The following ITPRIP variants were observed in gnomAD, a reference collection of about 807,000 sequenced individuals.
ITPRIP encodes inositol 1,4,5-trisphosphate receptor-interacting protein.
Under a neutral mutation model 35.8 loss-of-function variants are expected in ITPRIP, and 32 were observed. The observed-to-expected ratio is 0.89, with a 90% CI of 0.68 to 1.20. The LOEUF (loss-of-function observed/expected upper bound fraction) is 1.20. ITPRIP is among the 50% of genes most tolerant of loss of function. The pLI, the probability that ITPRIP is intolerant of heterozygous loss-of-function variation, is 0.00. For synonymous variants in ITPRIP, 358 were observed against 324.0 expected (o/e 1.11, Z -1.13); for missense variants, 653 against 735.6 (o/e 0.89, Z 1.30).
Position 104,315,179 on chromosome 10 carries a change from A to G in ITPRIP, c.873T>C (p.Asp291=). ...CCTGCATCGTGTCCAGGTACAGGGA[A>G]TCTGTGGCACACAGCAGGTTCTCCA... ...GDMENLLCAT[D]SLYLDTMQVM... Residue 291 remains aspartate (D), a synonymous_variant, in exon 2 of 2, where the codon GAT becomes GAC. Coordinates refer to ENST00000337478, the MANE Select transcript of ITPRIP (RefSeq NM_001272013.2). The surrounding 1 kb of genome is among the most constrained non-coding windows in gnomAD (Gnocchi z 5.7). 1.9e-6 allele frequency: 3 copies of G among 1,614,148 alleles called. No homozygotes were observed. Among genetic ancestry groups the G allele is most frequent in the Non-Finnish European group, 2.5e-6 (3 of 1,179,994 alleles).
In ITPRIP at chr10:104,315,742, G is replaced by A. The variant is rs114174365; in HGVS notation, c.310C>T (p.Arg104Trp). ...MILFLMIEVW[R>W]QDHQEGPSPE... ...GAGGGCCCCTCCTGGTGGTCCTGCC[G>A]CCACACCTCGATCATCAGGAAGAGG... Residue 104 changes from arginine to tryptophan, a missense_variant, in exon 2 of 2, where the codon CGG (arginine) becomes TGG (tryptophan). Physicochemically the swap from Arg to Trp is moderately radical, Grantham distance 101. Transcript: ENST00000337478. This position sits in a 1 kb window ranked among gnomAD's most constrained non-coding sequence, Gnocchi z 5.7. The A allele has an allele frequency of 4.8e-3, 7,747 of 1,613,804 alleles. 33 individuals carry two copies. Among genetic ancestry groups the A allele is most frequent in the Non-Finnish European group, 6.0e-3 (7,049 of 1,179,986 alleles).
chr10:104,315,925 C>G lies in ITPRIP; in HGVS notation c.127G>C (p.Ala43Pro). 6.2e-7 allele frequency: 1 copy of G among 1,614,022 alleles called. No homozygotes were observed. ...NEEEIIRKMQAHQEKLQLEQL... is the reference protein window; with the variant it reads ...NEEEIIRKMQPHQEKLQLEQL... ...TCCAGCTGCAGCTTCTCCTGGTGCG[C>G]CTGCATCTTGCGGATGATCTCCTCC... is the stretch of plus-strand genomic sequence containing the variant. The change falls in exon 2 of 2, where the codon GCG becomes CCG. Residue 43 changes from alanine to proline, a missense_variant. Coordinates refer to ENST00000337478, the MANE Select transcript of ITPRIP (RefSeq NM_001272013.2). This position sits in a 1 kb window ranked among gnomAD's most constrained non-coding sequence, Gnocchi z 5.7.
intron 1 of ITPRIP, 22 bp from the exon 2 acceptor site, chr10:104,316,086 G>A (rs984000374): frequency 1.2e-5 from 18 of 1,521,036 alleles, no homozygotes; most frequent in African/African-American, 2.8e-5. Flanking sequence ...GAGACAGATG[G>A]TCACACCAAG....
chr10:104,336,485 A>AT (rs1275865545), intron 1 of ITPRIP, among the ~76,000 whole-genome samples: 379 of 18,604 alleles, frequency 0.02, 8 homozygotes, highest in African/African-American at 0.047. Context: ...CTGCCCAGTT[A>AT]TTTTTTTTTG....
Position 104,313,880 on chromosome 10 carries a change from A to G in ITPRIP, c.*528T>C, listed in dbSNP as rs1279193890. On this transcript the variant is annotated 3_prime_UTR_variant, in exon 2 of 2. Transcript: ENST00000337478. The stretch of plus-strand genomic sequence containing the variant: ...AAGTGGCAGCCATGGTGGGACCACT[A>G]TTGTGCAGGATGCGGATCAAAGGTG... 2 of 986,398 alleles carry G rather than the reference A, an allele frequency of 2.0e-6. No individual in the cohort carries two copies. Among genetic ancestry groups the G allele is most frequent in the Non-Finnish European group, 2.4e-6 (2 of 830,774 alleles). 61.1% of individuals were successfully genotyped at this position (986,398 alleles called of 1,614,324 possible). A position where few individuals can be genotyped will look rare whatever the true frequency, so the allele number is the denominator to read the frequency against.
rs11192011 is a variant in ITPRIP, at chr10:104,337,011, G to A, written c.-14+1235C>T. Among the ~76,000 whole-genome samples the A allele has an allele frequency of 2.3e-3, 350 of 152,286 alleles. 1 individual carries two copies. Among genetic ancestry groups the A allele is most frequent in the African/African-American group, 8.1e-3 (337 of 41,540 alleles). The stretch of plus-strand genomic sequence containing the variant: ...ACCCACAAGTGGAGAAAATCCGAAG[G>A]CAGAATGGCCCAGAGCAGCCGCAAC... On this transcript the variant is annotated intron_variant, in intron 1 of 1. Coordinates refer to ENST00000337478, the MANE Select transcript of ITPRIP (RefSeq NM_001272013.2).
At chr10:104,322,268 C>A (rs537295597) in intron 1 of ITPRIP, among the ~76,000 whole-genome samples, 2 of 152,262 alleles carry the variant, frequency 1.3e-5, no homozygotes, top group East Asian at 3.9e-4. Context: ...AGCATGTGTC[C>A]GGCCCCACAA....
intron 1 of ITPRIP, among the ~76,000 whole-genome samples, chr10:104,320,213 A>T (rs1350435786): frequency 6.6e-6 from 1 of 150,924 alleles, no homozygotes; most frequent in African/African-American, 2.5e-5. Context: ...CCTCTTCCTG[A>T]TCCAGGAGAG....
chr10:104,311,464 G>A lies in ITPRIP; in HGVS notation c.*2944C>T, dbSNP rs184102688. Reference sequence around the variant, plus strand: ...CACCATGTAGGTTCAAGGCGGGGTCGGGGCAATGGACCAGGTTGTCTGGGT... The same window carrying A: ...CACCATGTAGGTTCAAGGCGGGGTCAGGGCAATGGACCAGGTTGTCTGGGT... On this transcript the variant is annotated 3_prime_UTR_variant, in exon 2 of 2. Coordinates refer to ENST00000337478, the MANE Select transcript of ITPRIP (RefSeq NM_001272013.2). The A allele has an allele frequency of 4.5e-3, 678 of 152,350 alleles. 4 individuals are homozygous for A. The highest frequency in any genetic ancestry group is 6.9e-3 in the Non-Finnish European group (467 of 68,084). The allele number at this position is 152,350 out of a possible 1,614,324, so 9.4% of individuals were successfully genotyped here.
intron 1 of ITPRIP, among the ~76,000 whole-genome samples, chr10:104,337,890 G>A (rs1467489611): frequency 6.6e-6 from 1 of 152,170 alleles, no homozygotes; most frequent in Non-Finnish European, 1.5e-5. Context: ...GAGAAGTAAC[G>A]GGTCACCTGG....
chr10:104,315,446 C>T lies in ITPRIP; in HGVS notation c.606G>A (p.Val202=). The part of the protein sequence containing the change: ...GVDSMYENWQ[V]DRPLLCHLFV... ...AAAGGTGGCACAGCAGTGGCCTGTCCACCTGCCAGTTCTCGTACATGCTGT... is the reference window on the plus strand; with the variant it reads ...AAAGGTGGCACAGCAGTGGCCTGTCTACCTGCCAGTTCTCGTACATGCTGT... The change falls in exon 2 of 2, where the codon GTG becomes GTA. Residue 202 remains valine, a synonymous_variant. Coordinates refer to ENST00000337478, the MANE Select transcript of ITPRIP (RefSeq NM_001272013.2). The surrounding 1 kb of genome is among the most constrained non-coding windows in gnomAD (Gnocchi z 5.7). The T allele has an allele frequency of 1.2e-6, 2 of 1,608,856 alleles. No individual in the cohort carries two copies. The highest frequency in any genetic ancestry group is 1.7e-6 in the Non-Finnish European group (2 of 1,176,422).
In ITPRIP at chr10:104,328,243, C is replaced by T. The variant is rs72825863; in HGVS notation, c.-14+10003G>A. ...ACAGCAATGCGCCCTCACCACTTCCCGTTGTCCTACATTGGCTTGGTCTGG... is the reference window on the plus strand; with the variant it reads ...ACAGCAATGCGCCCTCACCACTTCCTGTTGTCCTACATTGGCTTGGTCTGG... On this transcript the variant is annotated intron_variant, in intron 1 of 1. Coordinates refer to ENST00000337478, the MANE Select transcript of ITPRIP (RefSeq NM_001272013.2). This position sits in a 1 kb window ranked among gnomAD's most constrained non-coding sequence, Gnocchi z 4.1. The T allele has an allele frequency of 5.4e-3, 5,360 of 985,412 alleles. 25 individuals are homozygous for T. Among genetic ancestry groups the T allele is most frequent in the Non-Finnish European group, 6.1e-3 (5,076 of 829,934 alleles). 61.0% of individuals were successfully genotyped at this position (985,412 alleles called of 1,614,324 possible).
Position 104,314,638 on chromosome 10 carries a change from T to A in ITPRIP, c.1414A>T (p.Lys472Ter), listed in dbSNP as rs747465215. 2 of 1,614,022 alleles carry A rather than the reference T, an allele frequency of 1.2e-6. No individual in the cohort carries two copies. Among genetic ancestry groups the A allele is most frequent in the African/African-American group, 1.3e-5 (1 of 74,942 alleles). ...CCGATGAAGAAGTGGTGGAGCTTCT[T>A]CTGGAGCAAGCTCTTCTCCAGGAAG... ...LCFLEKSLLQ[K>*]KLHHFFIGNR... Residue 472 changes from lysine to a stop codon, truncating the protein, a stop_gained, in exon 2 of 2, where the codon AAG becomes TAG. Transcript: ENST00000337478. LOFTEE classifies it high-confidence loss of function.
intron 1 of ITPRIP, among the ~76,000 whole-genome samples, chr10:104,320,829 C>T (rs186102775): frequency 2.0e-3 from 300 of 152,244 alleles, no homozygotes; most frequent in Non-Finnish European, 3.5e-3. Context: ...CCTGGCCTGC[C>T]TGTAACTTCT....
rs375231792 is a variant in ITPRIP at position 104,329,080 on chromosome 10, C to T, written c.-14+9166G>A. 5.3e-5 allele frequency among the ~76,000 whole-genome samples: 8 copies of T among 151,908 alleles called. No homozygotes were observed. The East Asian group carries it at 1.5e-3, about 29-fold the overall frequency. On this transcript the variant is annotated intron_variant, in intron 1 of 1. Transcript: ENST00000337478. ...ACACACACACACATACACACATGCACGCACACACACACTCTCCCTGCAAAG... is the reference window on the plus strand; with the variant it reads ...ACACACACACACATACACACATGCATGCACACACACACTCTCCCTGCAAAG...
At chr10:104,316,596 G>A (rs1219041857) in intron 1 of ITPRIP, among the ~76,000 whole-genome samples, 1 of 152,078 alleles carries the variant, frequency 6.6e-6, no homozygotes, top group Non-Finnish European at 1.5e-5. Context: ...GGGCTCTCGG[G>A]AAGGGAGCCC....
intron 1 of ITPRIP, among the ~76,000 whole-genome samples, chr10:104,336,509 A>T (rs1164372407): frequency 3.0e-5 from 2 of 66,186 alleles, no homozygotes; most frequent in Admixed American, 1.6e-4. Context: ...GGGGGGGGGC[A>T]GCGGGGCATT....
chr10:104,316,776 T>A (rs2013705548), intron 1 of ITPRIP, among the ~76,000 whole-genome samples: 1 of 152,186 alleles, frequency 6.6e-6, no homozygotes, highest in Non-Finnish European at 1.5e-5. Flanking sequence ...TAGTCCTGAA[T>A]AACATATCCC....
intron 1 of ITPRIP, among the ~76,000 whole-genome samples, chr10:104,321,703 CTTT>C (rs111255254): frequency 6.6e-5 from 9 of 137,310 alleles, no homozygotes; most frequent in Admixed American, 7.4e-5. Flanking sequence ...CTTTTCTTTT[CTTT>C]TTTTTTTTTT....
Sources: allele counts gnomAD v4.1 joint callset (sites outside exome capture counted in the v4.1 genomes callset), GRCh38; gene constraint gnomAD v4.1.1; non-coding constraint Gnocchi (gnomAD v3.1); transcripts MANE v1.5; gene names NCBI Gene and HGNC (gene_info 2026-07-23, HGNC 2026-07-21).